SDK1: variants seen among roughly 807,000 people sequenced by gnomAD.
The protein encoded by SDK1 is protein sidekick-1.
A neutral mutation model predicts 245.5 loss-of-function variants in SDK1; 157 were observed. That is an observed-to-expected ratio of 0.64 (90% confidence interval 0.56 to 0.73). SDK1 has a LOEUF of 0.73. Ranked by LOEUF, SDK1 falls within the 30% of genes least tolerant of loss-of-function variation. The pLI is 0.00. For synonymous variants in SDK1, 1,647 were observed against 1,278.5 expected (o/e 1.29, Z -6.15); for missense variants, 3,583 against 3,002.3 (o/e 1.19, Z -4.52).
chr7:3,922,182 C>T (rs901281995), intron 5 of SDK1, among the ~76,000 whole-genome samples: 5 of 151,322 alleles, frequency 3.3e-5, no homozygotes, highest in African/African-American at 1.2e-4. Context: ...GTTAAGACGC[C>T]GGAGAAGGTG....
intron 2 of SDK1, among the ~76,000 whole-genome samples, chr7:3,623,663 G>A (rs898243867): frequency 4.6e-5 from 7 of 152,094 alleles, no homozygotes; most frequent in Admixed American, 1.3e-4. Flanking sequence ...AGGTGGATTT[G>A]TATTCTTTCC....
At position 3,619,231 on chromosome 7, in the gene SDK1, C is replaced by G. The variant is rs200172813; in HGVS notation, c.450C>G (p.Ser150Arg). 6.2e-7 allele frequency: 1 copy of G among 1,604,958 alleles called. No homozygotes were observed. Among genetic ancestry groups the G allele is most frequent in the African/African-American group, 1.3e-5 (1 of 74,672 alleles). Residue 150 changes from serine to arginine, a missense_variant, in exon 2 of 45, where the codon AGC becomes AGG. Coordinates refer to ENST00000404826, the MANE Select transcript of SDK1 (RefSeq NM_152744.4). Reference sequence around the variant, plus strand: ...ACAGTGAGCTCACCACCTACAGCAGCGAATATAAGTAATTGATCGCTTGAA... The same window carrying G: ...ACAGTGAGCTCACCACCTACAGCAGGGAATATAAGTAATTGATCGCTTGAA... ...RDDSELTTYS[S>R]EYKYIIPSLQ...
chr7:4,032,880 A>G (rs1458675292), intron 17 of SDK1, among the ~76,000 whole-genome samples: 2 of 152,248 alleles, frequency 1.3e-5, no homozygotes, highest in Non-Finnish European at 2.9e-5. Context: ...ATCACAGGGA[A>G]GTTAGTGCTC....
intron 4 of SDK1, among the ~76,000 whole-genome samples, chr7:3,769,454 T>G (rs1780345385): frequency 6.6e-6 from 1 of 152,156 alleles, no homozygotes. Context: ...CATCCACTCA[T>G]TAATATATTA....
intron 19 of SDK1, among the ~76,000 whole-genome samples, chr7:4,065,406 G>C (rs16871091): frequency 0.058 from 8,778 of 152,244 alleles, 456 homozygotes; most frequent in African/African-American, 0.13. Context: ...CCAGCTGATT[G>C]CAGCAGAGCT....
intron 1 of SDK1, among the ~76,000 whole-genome samples, chr7:3,382,963 C>G (rs935337746): frequency 1.3e-5 from 2 of 152,144 alleles, no homozygotes; most frequent in Non-Finnish European, 2.9e-5. Flanking sequence ...GATTACCTTT[C>G]TATCTTCTCA....
chr7:4,074,902 ATATATATATATATATTT>A lies in SDK1; in HGVS notation c.3011-2094_3011-2078del, dbSNP rs1562770600. ...TCTCTCTCTGTATATATATATATAT[ATATATATATATATATTT>A]TTTTTTTTTTTTAATAAAGTTAGGA... On this transcript the variant is annotated intron_variant, in intron 20 of 44. Coordinates refer to ENST00000404826, the MANE Select transcript of SDK1 (RefSeq NM_152744.4). Among the ~76,000 whole-genome samples, 8 of 62,528 alleles carry A rather than the reference ATATATATATATATATTT, an allele frequency of 1.3e-4. 1 individual carries two copies. The highest frequency in any genetic ancestry group is 9.0e-4 in the African/African-American group (7 of 7,736). 41.0% of individuals were successfully genotyped at this position (62,528 alleles called of 152,430 possible). A position where few individuals can be genotyped will look rare whatever the true frequency, so the allele number is the denominator to read the frequency against.
rs778934317 is a variant in SDK1 at position 3,950,971 on chromosome 7, C to T, written c.896C>T (p.Pro299Leu). The T allele has an allele frequency of 8.1e-6, 13 of 1,613,882 alleles. No homozygotes were observed. Among genetic ancestry groups the T allele is most frequent in the African/African-American group, 2.7e-5 (2 of 74,862 alleles). Residue 299 changes from proline (P) to leucine (L), a missense_variant, in exon 6 of 45, where the codon CCG (proline) becomes CTG (leucine). Pro to Leu is a moderately conservative substitution (Grantham distance 98). Transcript: ENST00000404826. ...ATGGCCCCAACCATTGTGGTTCCCC[C>T]GGGCAACAGAAGTGTGGTGGCTGGA... The part of the protein sequence containing the change: ...ETMAPTIVVP[P>L]GNRSVVAGSS...
intron 1 of SDK1, among the ~76,000 whole-genome samples, chr7:3,459,094 G>A (rs1245744866): frequency 1.3e-5 from 2 of 152,148 alleles, no homozygotes; most frequent in African/African-American, 4.8e-5. Flanking sequence ...ATTGACCTGG[G>A]ACAATTGACA....
At chr7:3,966,196 G>A (rs1782070069) in intron 9 of SDK1, among the ~76,000 whole-genome samples, 1 of 152,022 alleles carries the variant, frequency 6.6e-6, no homozygotes, top group South Asian at 2.1e-4. Flanking sequence ...CTGCGAGGTG[G>A]AGAGACAAGG....
intron 40 of SDK1, among the ~76,000 whole-genome samples, chr7:4,229,211 G>A (rs984776997): frequency 6.6e-6 from 1 of 152,150 alleles, no homozygotes; most frequent in African/African-American, 2.4e-5. Flanking sequence ...TAGAGTGGAC[G>A]CCTTACCAGC....
chr7:3,324,765 A>G (rs1469067583), intron 1 of SDK1, among the ~76,000 whole-genome samples: 1 of 152,004 alleles, frequency 6.6e-6, no homozygotes, highest in Non-Finnish European at 1.5e-5. Flanking sequence ...TTATATTTTT[A>G]TTTTTTTGAC....
chr7:4,042,857 G>T (rs544812494), intron 17 of SDK1, among the ~76,000 whole-genome samples: 1 of 152,158 alleles, frequency 6.6e-6, no homozygotes, highest in Non-Finnish European at 1.5e-5. Context: ...ACTCTTTCTC[G>T]CTTGAGGGCA....
intron 35 of SDK1, among the ~76,000 whole-genome samples, chr7:4,196,347 T>C (rs1783575211): frequency 6.6e-6 from 1 of 152,180 alleles, no homozygotes; most frequent in Non-Finnish European, 1.5e-5. Context: ...CCCTGTGCAC[T>C]CCCTAGCTAC....
chr7:3,971,790 C>T (rs1002939847), intron 12 of SDK1, among the ~76,000 whole-genome samples: 8 of 152,162 alleles, frequency 5.3e-5, no homozygotes, highest in South Asian at 2.1e-4. Flanking sequence ...CACTTCATGA[C>T]GTTAATGCTG....
In SDK1 at chr7:3,565,723, C is replaced by G. The variant is rs1779892603; in HGVS notation, c.299-53357C>G. Among the ~76,000 whole-genome samples, 3 of 152,186 alleles carry G rather than the reference C, an allele frequency of 2.0e-5. No individual in the cohort carries two copies. In the South Asian group the frequency reaches 6.2e-4, roughly 32 times the overall value. On this transcript the variant is annotated intron_variant, in intron 1 of 44. Transcript: ENST00000404826. ...TAACCTGTGCGTATTCTCCTGTGTA[C>G]TTTAAATCACATCTAGGTAACTTAT... is the stretch of plus-strand genomic sequence containing the variant.
At chr7:3,386,356 G>C (rs1169420232) in intron 1 of SDK1, among the ~76,000 whole-genome samples, 1 of 152,152 alleles carries the variant, frequency 6.6e-6, no homozygotes, top group Non-Finnish European at 1.5e-5. Flanking sequence ...GTAAAACAAA[G>C]ATGTTGCCTT....
chr7:3,545,973 C>T (rs1396454446), intron 1 of SDK1, among the ~76,000 whole-genome samples: 1 of 152,210 alleles, frequency 6.6e-6, no homozygotes, highest in Non-Finnish European at 1.5e-5. Flanking sequence ...GAAAGAAAGA[C>T]TTTAGTAACC....
chr7:3,515,304 T>G (rs1269216130), intron 1 of SDK1, among the ~76,000 whole-genome samples: 2 of 152,168 alleles, frequency 1.3e-5, no homozygotes, highest in Non-Finnish European at 2.9e-5. Flanking sequence ...GTTCTTCTTT[T>G]GTTGTGTCTA....
Sources: allele counts gnomAD v4.1 joint callset (sites outside exome capture counted in the v4.1 genomes callset), GRCh38; gene constraint gnomAD v4.1.1; transcripts MANE v1.5; gene names NCBI Gene and HGNC (gene_info 2026-07-23, HGNC 2026-07-21).